ATAD3B: variants seen among roughly 807,000 people sequenced by gnomAD.
ATAD3B encodes the protein ATPase family AAA domain-containing protein 3B.
A neutral mutation model predicts 70.2 loss-of-function variants in ATAD3B; 59 were observed. The observed-to-expected ratio is 0.84, with a 90% CI of 0.68 to 1.04. ATAD3B has a LOEUF of 1.04. Among genes scored for constraint, ATAD3B ranks in the 50% least tolerant of loss-of-function variants. The pLI is 0.00. For missense variants in ATAD3B, 961 were observed against 913.4 expected (o/e 1.05, Z -0.67); for synonymous variants, 423 against 388.6 (o/e 1.09, Z -1.04).
Position 1,486,116 on chromosome 1 carries a change from C to G in ATAD3B, c.970C>G (p.Leu324Val), listed in dbSNP as rs377243983. 6 of 1,613,040 alleles carry G rather than the reference C, an allele frequency of 3.7e-6. No homozygotes were observed. Among genetic ancestry groups the G allele is most frequent in the Middle Eastern group, 1.6e-4 (1 of 6,084 alleles). ...CCCCCGTCTTCCCCGGCAGCCCAGC[C>G]TGGAAGCACGGGTGCGCGACATCGC... is the stretch of plus-strand genomic sequence containing the variant. ...VLEGVVLSPS[L>V]EARVRDIAIA... The change falls in exon 10 of 16, where the codon CTG (leucine) becomes GTG (valine). Residue 324 changes from leucine (L) to valine (V), a missense_variant. Coordinates refer to ENST00000673477, the MANE Select transcript of ATAD3B (RefSeq NM_031921.6).
At chr1:1,474,408 T>C (rs764012711) in intron 1 of ATAD3B, among the ~76,000 whole-genome samples, 1 of 151,252 alleles carries the variant, frequency 6.6e-6, no homozygotes, top group East Asian at 1.9e-4. Context: ...GCCAGAATGG[T>C]CTCGATCTCC....
chr1:1,488,092 T>G (rs1640332582), intron 12 of ATAD3B, among the ~76,000 whole-genome samples, 178 bp downstream of exon 12: 1 of 152,006 alleles, frequency 6.6e-6, no homozygotes, highest in Non-Finnish European at 1.5e-5. Flanking sequence ...GTAGCTGGGA[T>G]TACAGGTGTT....
chr1:1,485,770 C>G lies in ATAD3B; in HGVS notation c.907-12C>G. 6.2e-7 allele frequency: 1 copy of G among 1,612,712 alleles called. No individual in the cohort carries two copies. ...AGGTGACCCAATGGTGCTTCCCCTT[C>G]CCCTCCGGCAGGTCAGCCGGCGGCT... On this transcript the variant is annotated splice_polypyrimidine_tract_variant and intron_variant, in intron 8 of 15. Coordinates refer to ENST00000673477, the MANE Select transcript of ATAD3B (RefSeq NM_031921.6).
chr1:1,480,354 C>T (rs1409601851), intron 4 of ATAD3B, among the ~76,000 whole-genome samples: 1 of 146,362 alleles, frequency 6.8e-6, no homozygotes, highest in Non-Finnish European at 1.5e-5. Flanking sequence ...CACCCGGGCG[C>T]CCAGCTGGCA....
chr1:1,485,775 C>T lies in ATAD3B; in HGVS notation c.907-7C>T, dbSNP rs756011239. On this transcript the variant is annotated splice_polypyrimidine_tract_variant and splice_region_variant and intron_variant, in intron 8 of 15. Coordinates refer to ENST00000673477, the MANE Select transcript of ATAD3B (RefSeq NM_031921.6). ...ACCCAATGGTGCTTCCCCTTCCCCT[C>T]CGGCAGGTCAGCCGGCGGCTCCTCA... The T allele has an allele frequency of 1.9e-6, 3 of 1,612,898 alleles. No individual in the cohort carries two copies. Among genetic ancestry groups the T allele is most frequent in the Non-Finnish European group, 1.7e-6 (2 of 1,179,382 alleles).
chr1:1,479,556 C>T (rs1173880747), intron 4 of ATAD3B, among the ~76,000 whole-genome samples: 2 of 144,880 alleles, frequency 1.4e-5, no homozygotes, highest in Non-Finnish European at 3.0e-5. Context: ...CGCACACACA[C>T]ACCCCGCCAC....
intron 15 of ATAD3B, among the ~76,000 whole-genome samples, chr1:1,491,895 A>C (rs531492833): frequency 3.2e-4 from 48 of 152,016 alleles, no homozygotes; most frequent in African/African-American, 1.1e-3. Context: ...CAACTCAGAA[A>C]GTGGAGGCTG....
At chr1:1,505,125 G>T in the ATAD3B span, among the ~76,000 whole-genome samples, 1 of 152,114 alleles carries the variant, frequency 6.6e-6, no homozygotes, top group Admixed American at 6.6e-5. Context: ...GTGCCAGGCT[G>T]CGCTGTTATT....
intron 2 of ATAD3B, 65 bp downstream of exon 2, chr1:1,477,415 G>A: frequency 1.2e-6 from 2 of 1,607,498 alleles, no homozygotes; most frequent in Non-Finnish European, 8.5e-7. Flanking sequence ...GGAGATTGGT[G>A]GGGCTGCTAC....
the ATAD3B span, chr1:1,509,071 C>T: frequency 4.9e-5 from 69 of 1,419,342 alleles, no homozygotes; most frequent in South Asian, 3.3e-4. Context: ...TGCCGAGGTG[C>T]GGGAAGCCTG....
intron 11 of ATAD3B, 79 bp from the exon 12 acceptor site, chr1:1,487,784 G>T: frequency 6.4e-7 from 1 of 1,553,016 alleles, no homozygotes. Context: ...TGCCTGGCCT[G>T]CTCCTGCCGC....
At chr1:1,487,487 C>CAA (rs1361376015) in intron 11 of ATAD3B, among the ~76,000 whole-genome samples, 21 of 100,932 alleles carry the variant, frequency 2.1e-4, no homozygotes, top group Admixed American at 4.1e-4. Flanking sequence ...GACTCTGTCT[C>CAA]AAAAAAAAAA....
Position 1,496,405 on chromosome 1 carries a change from C to T in ATAD3B, c.*588C>T. ...GCCCGGGACTGCCGCCTGCGCCCCA[C>T]CAGCCCCTCCCTCCTGAAGGAGGGG... On this transcript the variant is annotated 3_prime_UTR_variant, in exon 16 of 16. Transcript: ENST00000673477. The T allele has an allele frequency of 8.2e-6, 2 of 242,874 alleles. No individual in the cohort carries two copies. The highest frequency in any genetic ancestry group is 1.3e-5 in the Non-Finnish European group (2 of 151,110). 15.0% of individuals were successfully genotyped at this position (242,874 alleles called of 1,614,324 possible). A position where few individuals can be genotyped will look rare whatever the true frequency, so the allele number is the denominator to read the frequency against.
At position 1,490,091 on chromosome 1, in the gene ATAD3B, G is replaced by A. The variant is rs1047784428; in HGVS notation, c.1338-166G>A. 3.2e-5 allele frequency: 46 copies of A among 1,423,548 alleles called. 1 individual carries two copies. The South Asian group carries it at 3.4e-4, about 11-fold the overall frequency. 88.2% of individuals were successfully genotyped at this position (1,423,548 alleles called of 1,614,324 possible). ...GCTGGGCGTGGTGGGGCAGGCAGGC[G>A]GGTGACCAGGGCTGTGGCTGCGTTC... On this transcript the variant is annotated intron_variant, in intron 13 of 15. Transcript: ENST00000673477.
At chr1:1,488,565 C>T (rs1248915755) in intron 12 of ATAD3B, among the ~76,000 whole-genome samples, 1 of 152,012 alleles carries the variant, frequency 6.6e-6, no homozygotes, top group Non-Finnish European at 1.5e-5. Context: ...TCAAGACCAG[C>T]TTGGTCAATA....
At chr1:1,504,092 A>G in the ATAD3B span, among the ~76,000 whole-genome samples, 37 of 151,764 alleles carry the variant, frequency 2.4e-4, no homozygotes, top group Middle Eastern at 3.2e-3. Flanking sequence ...GGTTCAAGTG[A>G]TTCTCCTGCC....
chr1:1,505,382 G>T, the ATAD3B span, among the ~76,000 whole-genome samples: 6 of 152,202 alleles, frequency 3.9e-5, no homozygotes, highest in Non-Finnish European at 8.8e-5. Context: ...AGGATGGAAC[G>T]TGAAGGCGGA....
rs188808044 is a variant in ATAD3B at position 1,496,100 on chromosome 1, G to T, written c.*283G>T. The T allele has an allele frequency of 2.5e-6, 3 of 1,190,988 alleles. No individual in the cohort carries two copies. The African/African-American group carries it at 4.6e-5, about 18-fold the overall frequency. The allele number at this position is 1,190,988 out of a possible 1,614,324, so 73.8% of individuals were successfully genotyped here. On this transcript the variant is annotated 3_prime_UTR_variant, in exon 16 of 16. Transcript: ENST00000673477. ...GCTTCCAGCCATGGCCAGGGGCCAC[G>T]GAACCCGGCAGGGGTGTCTGAGGCC...
At chr1:1,485,511 C>T (rs1378030940) in intron 8 of ATAD3B, among the ~76,000 whole-genome samples, 2 of 152,086 alleles carry the variant, frequency 1.3e-5, no homozygotes, top group Non-Finnish European at 2.9e-5. Flanking sequence ...TGGGGAGCCG[C>T]GCCGCTTGCC....
Sources: allele counts gnomAD v4.1 joint callset (sites outside exome capture counted in the v4.1 genomes callset), GRCh38; gene constraint gnomAD v4.1.1; transcripts MANE v1.5; gene names NCBI Gene and HGNC (gene_info 2026-07-23, HGNC 2026-07-21).